The following PARP8 variants were observed in gnomAD, a reference collection of about 807,000 sequenced individuals.
PARP8 encodes protein mono-ADP-ribosyltransferase PARP8.
PARP8 carries 51 observed loss-of-function variants against 124.1 expected under a neutral mutation model. That is an observed-to-expected ratio of 0.41 (90% CI 0.33 to 0.52). The LOEUF (loss-of-function observed/expected upper bound fraction) is 0.52, where lower values mean the gene tolerates loss of function less well. Among genes scored for constraint, PARP8 ranks in the 20% least tolerant of loss-of-function variants. The pLI, the probability that PARP8 is intolerant of heterozygous loss-of-function variation, is 0.21. For synonymous variants in PARP8, 391 were observed against 361.5 expected (o/e 1.08, Z -0.93); for missense variants, 860 against 1,018.9 (o/e 0.84, Z 2.12).
chr5:50,797,703 C>G (rs1171783102), intron 14 of PARP8, among the ~76,000 whole-genome samples: 1 of 152,116 alleles, frequency 6.6e-6, no homozygotes, highest in Admixed American at 6.5e-5. Flanking sequence ...TGCTAGCATC[C>G]TGACACATTT....
intron 14 of PARP8, among the ~76,000 whole-genome samples, chr5:50,808,258 G>A (rs1744080526): frequency 6.6e-6 from 1 of 151,678 alleles, no homozygotes; most frequent in African/African-American, 2.4e-5. Context: ...AGGGGAAAGA[G>A]CAAGCAGGAG....
rs144155782 is a variant in PARP8 at position 50,781,882 on chromosome 5, C to A, written c.670+3232C>A. On this transcript the variant is annotated intron_variant, in intron 9 of 25. Coordinates refer to ENST00000281631, the MANE Select transcript of PARP8 (RefSeq NM_024615.4). ...AACTTTCCCTGGATTTGTACCCTTG[C>A]TTGGCTTTTTCTCTTTTCCTATCTA... 3.3e-4 allele frequency among the ~76,000 whole-genome samples: 51 copies of A among 152,270 alleles called. No individual in the cohort carries two copies. In the East Asian group the frequency reaches 9.7e-3, roughly 29 times the overall value.
chr5:50,766,777 C>T (rs10512906), intron 7 of PARP8, among the ~76,000 whole-genome samples: 31,183 of 151,882 alleles, frequency 0.21, 3,382 homozygotes, highest in South Asian at 0.34. Context: ...GTTTGGGAAA[C>T]GAGCATTCTG....
intron 2 of PARP8, among the ~76,000 whole-genome samples, chr5:50,715,174 G>A (rs1755171808): frequency 6.6e-6 from 1 of 151,902 alleles, no homozygotes; most frequent in African/African-American, 2.4e-5. Flanking sequence ...AAACAGTAAC[G>A]TAAATTCACC....
At chr5:50,790,807 A>G (rs935524028) in intron 10 of PARP8, among the ~76,000 whole-genome samples, 9 of 152,178 alleles carry the variant, frequency 5.9e-5, no homozygotes, top group African/African-American at 1.9e-4. Flanking sequence ...TAATGTTTTC[A>G]AAGAGTTACT....
At chr5:50,704,686 T>A (rs183375167) in intron 2 of PARP8, among the ~76,000 whole-genome samples, 2 of 152,330 alleles carry the variant, frequency 1.3e-5, no homozygotes, top group East Asian at 3.9e-4. Flanking sequence ...ATATTGATTG[T>A]ATATTGGAAT....
chr5:50,759,622 C>CTTTTTTTTTTT (rs4029424), intron 3 of PARP8, 21 bp from the exon 4 acceptor site: 1 of 1,157,382 alleles, frequency 8.6e-7, no homozygotes, highest in Non-Finnish European at 1.1e-6. Context: ...CTTTCATTAT[C>CTTTTTTTTTTT]TTTTTTTTTT....
intron 2 of PARP8, among the ~76,000 whole-genome samples, chr5:50,704,133 G>A (rs866150977): frequency 3.9e-5 from 6 of 152,096 alleles, no homozygotes; most frequent in Middle Eastern, 3.4e-3. Flanking sequence ...TAGCAGAGAG[G>A]TTGCCAAATC....
rs149127761 is a variant in PARP8, at chr5:50,751,959, T to C, written c.184+1771T>C. On this transcript the variant is annotated intron_variant, in intron 3 of 25. Transcript: ENST00000281631. The stretch of plus-strand genomic sequence containing the variant: ...TCTTGTTTTATAACTTACGTGTTTG[T>C]TCTTCCTTTCCAACATTTATACCTG... Among the ~76,000 whole-genome samples the C allele has an allele frequency of 8.5e-5, 13 of 152,314 alleles. No individual in the cohort carries two copies. In the East Asian group the frequency reaches 2.5e-3, roughly 29 times the overall value.
chr5:50,739,379 A>AT (rs1212612581), intron 2 of PARP8, among the ~76,000 whole-genome samples: 46 of 129,550 alleles, frequency 3.6e-4, no homozygotes, highest in African/African-American at 1.0e-3. Flanking sequence ...TCATTCGTTA[A>AT]TTTTTTTTGT....
At chr5:50,724,425 A>G (rs1370486049) in intron 2 of PARP8, among the ~76,000 whole-genome samples, 2 of 152,120 alleles carry the variant, frequency 1.3e-5, no homozygotes, top group Non-Finnish European at 2.9e-5. Flanking sequence ...AAAGAAAAAA[A>G]AATCAGTTTG....
At chr5:50,667,479 T>G in intron 1 of PARP8, 2 of 699,406 alleles carry the variant, frequency 2.9e-6, no homozygotes, top group South Asian at 3.0e-5. Flanking sequence ...CAGCCCCGCG[T>G]AGTGCCCGAA....
At chr5:50,754,365 G>C (rs971871411) in intron 3 of PARP8, among the ~76,000 whole-genome samples, 2 of 151,394 alleles carry the variant, frequency 1.3e-5, no homozygotes, top group African/African-American at 2.4e-5. Flanking sequence ...CCCAGTGTGT[G>C]ATGTTCCCTT....
chr5:50,776,866 G>A (rs1285722077), intron 7 of PARP8, among the ~76,000 whole-genome samples: 2 of 152,152 alleles, frequency 1.3e-5, no homozygotes, highest in Non-Finnish European at 2.9e-5. Context: ...CTATATGCCA[G>A]ATACCATACT....
intron 4 of PARP8, 58 bp from the exon 5 acceptor site, chr5:50,760,234 G>C: frequency 7.5e-7 from 1 of 1,332,106 alleles, no homozygotes; most frequent in Non-Finnish European, 1.0e-6. Flanking sequence ...ACTTATGAAT[G>C]CTTGGTAAAT....
chr5:50,843,383 T>A lies in PARP8; in HGVS notation c.*1315T>A, dbSNP rs948022947. 2.6e-5 allele frequency: 4 copies of A among 151,438 alleles called. No homozygotes were observed. The highest frequency in any genetic ancestry group is 7.3e-5 in the African/African-American group (3 of 41,092). The allele number at this position is 151,438 out of a possible 1,614,324, so 9.4% of individuals were successfully genotyped here. Reference sequence around the variant, plus strand: ...TGATTTTAATTTATGTAAAAAAAAATAAAAATGTATAGTCATTTGCAAGTA... The same window carrying A: ...TGATTTTAATTTATGTAAAAAAAAAAAAAAATGTATAGTCATTTGCAAGTA... On this transcript the variant is annotated 3_prime_UTR_variant, in exon 26 of 26. Transcript: ENST00000281631.
Position 50,794,847 on chromosome 5 carries a change from T to C in PARP8, c.864-6T>C, listed in dbSNP as rs1742349043. 6.2e-7 allele frequency: 1 copy of C among 1,608,734 alleles called. No individual in the cohort carries two copies. Among genetic ancestry groups the C allele is most frequent in the Admixed American group, 1.7e-5 (1 of 59,778 alleles). ...GCCCTGTAGTAATTGTTGTTCAATT[T>C]TGAAGGTCGCCAAGTTATCCTCCCC... On this transcript the variant is annotated splice_region_variant and splice_polypyrimidine_tract_variant and intron_variant, in intron 11 of 25. Coordinates refer to ENST00000281631, the MANE Select transcript of PARP8 (RefSeq NM_024615.4).
At chr5:50,675,353 G>A (rs1467515927) in intron 2 of PARP8, among the ~76,000 whole-genome samples, 1 of 152,202 alleles carries the variant, frequency 6.6e-6, no homozygotes, top group African/African-American at 2.4e-5. Context: ...TGCCCAGGCT[G>A]GAGTGCAGTG....
At chr5:50,668,814 G>T (rs1383304434) in intron 2 of PARP8, 1 of 152,212 alleles carries the variant, frequency 6.6e-6, no homozygotes, top group East Asian at 1.9e-4. Context: ...ACCTTCACTT[G>T]TTGAGTTAGG....
Sources: gnomAD v4.1 joint callset for allele counts (sites outside exome capture counted in the v4.1 genomes callset) on GRCh38, gnomAD v4.1.1 for gene constraint, MANE v1.5 for transcripts, NCBI Gene and HGNC (gene_info 2026-07-23, HGNC 2026-07-21) for gene names.